Variants in RGS8 observed in about 807,000 individuals in gnomAD.
RGS8 encodes the protein regulator of G protein signaling 8.
In RGS8, 8 loss-of-function variants were observed where a neutral mutation model predicts 21.7. The observed-to-expected ratio is 0.37, with a 90% confidence interval of 0.22 to 0.66. RGS8 has a LOEUF of 0.66. RGS8 is among the 30% of genes least tolerant of loss of function. The probability of loss-of-function intolerance (pLI) is 0.59; values close to 1 mark genes in which losing one functional copy is unlikely to be tolerated. For synonymous variants in RGS8, 80 were observed against 83.6 expected (o/e 0.96, Z 0.24); for missense variants, 157 against 217.9 (o/e 0.72, Z 1.76).
chr1:182,661,131 C>T (rs1343373297), intron 5 of RGS8, among the ~76,000 whole-genome samples: 1 of 151,274 alleles, frequency 6.6e-6, no homozygotes, highest in Non-Finnish European at 1.5e-5. Flanking sequence ...TGACCAGCTC[C>T]AGTCATTATA....
At chr1:182,657,960 A>G (rs1663366936) in intron 5 of RGS8, among the ~76,000 whole-genome samples, 1 of 152,228 alleles carries the variant, frequency 6.6e-6, no homozygotes, top group Non-Finnish European at 1.5e-5. Flanking sequence ...GAAATGACAG[A>G]AGGACCTGCT....
the RGS8 span, among the ~76,000 whole-genome samples, chr1:182,745,318 T>C: frequency 1.3e-5 from 2 of 151,710 alleles, no homozygotes; most frequent in Non-Finnish European, 2.9e-5. Context: ...TAAAATGAAA[T>C]TCTGAAGGGC....
At chr1:182,735,986 G>A in the RGS8 span, among the ~76,000 whole-genome samples, 3 of 152,166 alleles carry the variant, frequency 2.0e-5, no homozygotes, top group African/African-American at 4.8e-5. Flanking sequence ...ATTTGATTAT[G>A]TCTGTCATTG....
chr1:182,686,918 A>G (rs976076273), upstream of RGS8, among the ~76,000 whole-genome samples: 3 of 152,198 alleles, frequency 2.0e-5, no homozygotes, highest in Non-Finnish European at 4.4e-5. Flanking sequence ...GAAAGAGAGT[A>G]GGAGGACCAG....
the RGS8 span, among the ~76,000 whole-genome samples, chr1:182,694,673 T>C: frequency 2.0e-5 from 3 of 152,102 alleles, no homozygotes; most frequent in South Asian, 6.2e-4. Context: ...CCAGATGTGG[T>C]GGCACACACC....
intron 4 of RGS8, among the ~76,000 whole-genome samples, chr1:182,666,595 C>T (rs1312724463): frequency 6.6e-6 from 1 of 151,456 alleles, no homozygotes; most frequent in African/African-American, 2.4e-5. Context: ...CTAAGTAGAA[C>T]CAAGAAGTAT....
chr1:182,672,920 G>T, upstream of RGS8: 1 of 1,426,742 alleles, frequency 7.0e-7, no homozygotes, highest in Non-Finnish European at 9.9e-7. Context: ...TGAACCAGCA[G>T]TGTCAGCATC....
the RGS8 span, among the ~76,000 whole-genome samples, chr1:182,741,412 A>AC: frequency 5.5e-5 from 5 of 90,098 alleles, no homozygotes; most frequent in Admixed American, 2.3e-4. Flanking sequence ...CGGGGGGCTG[A>AC]CCCCCCCACC....
At chr1:182,729,172 T>G in the RGS8 span, among the ~76,000 whole-genome samples, 1 of 152,236 alleles carries the variant, frequency 6.6e-6, no homozygotes, top group African/African-American at 2.4e-5. Context: ...ATTAGAGATA[T>G]TCTTTTCTTA....
the RGS8 span, among the ~76,000 whole-genome samples, chr1:182,701,494 A>C: frequency 3.9e-5 from 6 of 152,300 alleles, no homozygotes; most frequent in African/African-American, 1.4e-4. Context: ...GACAAATGTA[A>C]CTTTTTGTCC....
chr1:182,707,424 G>A, the RGS8 span, among the ~76,000 whole-genome samples: 2 of 152,212 alleles, frequency 1.3e-5, no homozygotes, highest in Admixed American at 1.3e-4. Context: ...AGAAGTCCAA[G>A]TTCAAGTATG....
At chr1:182,699,866 A>C in the RGS8 span, among the ~76,000 whole-genome samples, 36 of 152,268 alleles carry the variant, frequency 2.4e-4, no homozygotes, top group South Asian at 7.5e-3. Flanking sequence ...GTGTTCCAGC[A>C]GTGCCAGCTC....
chr1:182,663,453 G>A (rs1043537247), intron 5 of RGS8, among the ~76,000 whole-genome samples: 2 of 152,152 alleles, frequency 1.3e-5, no homozygotes, highest in African/African-American at 2.4e-5. Context: ...CAGACTCCAG[G>A]AAGGATCACA....
chr1:182,668,770 T>C (rs1430350345), intron 3 of RGS8, among the ~76,000 whole-genome samples: 3 of 152,230 alleles, frequency 2.0e-5, no homozygotes, highest in African/African-American at 7.2e-5. Flanking sequence ...ACAGCGGGCA[T>C]CTTATGTGTC....
At chr1:182,683,772 T>C (rs2102459674) in intron 1 of RGS8, among the ~76,000 whole-genome samples, 1 of 152,228 alleles carries the variant, frequency 6.6e-6, no homozygotes, top group East Asian at 1.9e-4. Context: ...CCAATTTTAA[T>C]CTCCCTCCAA....
At chr1:182,722,363 C>CAAAA in the RGS8 span, among the ~76,000 whole-genome samples, 19 of 79,412 alleles carry the variant, frequency 2.4e-4, no homozygotes, top group Admixed American at 4.4e-4. Flanking sequence ...AGCAAATTAC[C>CAAAA]AAAAAAAAAA....
downstream of RGS8, chr1:182,645,205 G>A (rs1022220315): frequency 1.3e-5 from 2 of 152,196 alleles, no homozygotes; most frequent in African/African-American, 4.8e-5. Flanking sequence ...CTGCACTCCA[G>A]AGCTTATGCC....
chr1:182,736,172 T>C, the RGS8 span, among the ~76,000 whole-genome samples: 2 of 152,226 alleles, frequency 1.3e-5, no homozygotes, highest in East Asian at 1.9e-4. Context: ...ATAAAACCAC[T>C]ATTAAAATAT....
chr1:182,702,211 A>T, the RGS8 span, among the ~76,000 whole-genome samples: 1 of 152,372 alleles, frequency 6.6e-6, no homozygotes, highest in East Asian at 1.9e-4. Context: ...CATATACACC[A>T]TGGAATACTG....
Sources: allele counts gnomAD v4.1 joint callset (sites outside exome capture counted in the v4.1 genomes callset), GRCh38; gene constraint gnomAD v4.1.1; transcripts MANE v1.5; gene names NCBI Gene and HGNC (gene_info 2026-07-23, HGNC 2026-07-21).